Variants in AMD1 observed in about 807,000 individuals in gnomAD.
AMD1 encodes the protein adenosylmethionine decarboxylase 1, also known as S-adenosylmethionine decarboxylase proenzyme.
AMD1 carries 11 observed loss-of-function variants against 40.2 expected under a neutral mutation model. The observed-to-expected ratio is 0.27, with a 90% confidence interval of 0.17 to 0.45. AMD1 has a LOEUF of 0.45. Ranked by LOEUF, AMD1 falls within the 20% of genes least tolerant of loss-of-function variation. The probability of loss-of-function intolerance (pLI) is 1.00; values close to 1 mark genes in which losing one functional copy is unlikely to be tolerated. For missense variants in AMD1, 257 were observed against 410.2 expected (o/e 0.63, Z 3.23); for synonymous variants, 121 against 130.8 (o/e 0.93, Z 0.51).
chr6:110,833,752 G>A, the AMD1 span, among the ~76,000 whole-genome samples: 21 of 152,152 alleles, frequency 1.4e-4, no homozygotes, highest in Admixed American at 3.3e-4. Context: ...AGAGGCTCAC[G>A]CCTATAATCC....
intron 1 of AMD1, among the ~76,000 whole-genome samples, chr6:110,876,010 C>T (rs1785088912): frequency 6.6e-6 from 1 of 151,952 alleles, no homozygotes; most frequent in Non-Finnish European, 1.5e-5. Context: ...GCCGGCGGAG[C>T]GGGGCGGGAG....
chr6:110,837,172 CAAAAAAA>C, the AMD1 span, among the ~76,000 whole-genome samples: 1 of 23,876 alleles, frequency 4.2e-5, no homozygotes, highest in African/African-American at 1.4e-4. Context: ...CAGAGCGTCT[CAAAAAAA>C]AAAAAAAAAA....
chr6:110,858,939 G>A, the AMD1 span: 4 of 1,004,378 alleles, frequency 4.0e-6, no homozygotes, highest in African/African-American at 6.2e-5. Flanking sequence ...GCTGGGAACC[G>A]ACAAGTGTGA....
chr6:110,814,983 C>G, the AMD1 span: 1 of 1,599,802 alleles, frequency 6.3e-7, no homozygotes, highest in Non-Finnish European at 8.5e-7. Context: ...CCCGAGCGAG[C>G]CTACTCCTCC....
At chr6:110,881,145 TATC>T (rs1435394860) in intron 1 of AMD1, among the ~76,000 whole-genome samples, 1 of 152,252 alleles carries the variant, frequency 6.6e-6, no homozygotes, top group Non-Finnish European at 1.5e-5. Context: ...TGGGATCATT[TATC>T]ATGATCTCTG....
the AMD1 span, among the ~76,000 whole-genome samples, chr6:110,865,370 A>G: frequency 6.6e-6 from 1 of 152,206 alleles, no homozygotes; most frequent in Non-Finnish European, 1.5e-5. Flanking sequence ...CAAAAGGGAC[A>G]TGGAATGTTA....
At chr6:110,814,776 G>T in the AMD1 span, 1 of 666,564 alleles carries the variant, frequency 1.5e-6, no homozygotes, top group South Asian at 1.5e-5. Flanking sequence ...TCTGGGACGG[G>T]ACCGACGCCT....
chr6:110,886,762 G>C (rs553192388), intron 1 of AMD1, among the ~76,000 whole-genome samples: 1 of 152,336 alleles, frequency 6.6e-6, no homozygotes, highest in Non-Finnish European at 1.5e-5. Context: ...GACAGAGTGA[G>C]ACCCTGTCTC....
chr6:110,876,995 A>C (rs1050768831), intron 1 of AMD1, among the ~76,000 whole-genome samples: 10 of 152,224 alleles, frequency 6.6e-5, no homozygotes, highest in Admixed American at 6.5e-5. Flanking sequence ...TTCCTGAGTC[A>C]AAGTGGAGAG....
intron 1 of AMD1, among the ~76,000 whole-genome samples, chr6:110,881,266 C>T (rs1325073051): frequency 6.6e-6 from 1 of 152,070 alleles, no homozygotes; most frequent in African/African-American, 2.4e-5. Context: ...AATGACTATC[C>T]TGTTAATTAT....
At chr6:110,875,993 C>T (rs1785087620) in intron 1 of AMD1, among the ~76,000 whole-genome samples, 1 of 152,114 alleles carries the variant, frequency 6.6e-6, no homozygotes, top group Non-Finnish European at 1.5e-5. Context: ...GTGTAACCTG[C>T]TACGGAGCCG....
chr6:110,876,814 G>C (rs1259106918), intron 1 of AMD1, among the ~76,000 whole-genome samples: 1 of 152,134 alleles, frequency 6.6e-6, no homozygotes, highest in Non-Finnish European at 1.5e-5. Context: ...GAAAATCTTG[G>C]CAAGAACCTA....
At chr6:110,886,916 A>G (rs1785723784) in intron 1 of AMD1, among the ~76,000 whole-genome samples, 1 of 152,174 alleles carries the variant, frequency 6.6e-6, no homozygotes. Flanking sequence ...TATGACCTTC[A>G]TTGCTATGGT....
At chr6:110,838,631 G>T in the AMD1 span, among the ~76,000 whole-genome samples, 56 of 152,004 alleles carry the variant, frequency 3.7e-4, no homozygotes, top group Non-Finnish European at 7.5e-4. Context: ...GGCCGAGGTG[G>T]GTGGGTCACC....
chr6:110,878,709 A>G (rs9400423), intron 1 of AMD1, among the ~76,000 whole-genome samples: 5,374 of 152,272 alleles, frequency 0.035, 353 homozygotes, highest in East Asian at 0.33. Flanking sequence ...TGGCAGCTTT[A>G]GGGAGGGTGA....
the AMD1 span, among the ~76,000 whole-genome samples, chr6:110,816,276 C>A: frequency 1.8e-4 from 27 of 152,166 alleles, no homozygotes; most frequent in Admixed American, 1.7e-3. Context: ...CGTTTACGAT[C>A]CTTTGGGTTG....
chr6:110,824,720 T>G, the AMD1 span, among the ~76,000 whole-genome samples: 6 of 152,142 alleles, frequency 3.9e-5, no homozygotes, highest in South Asian at 8.3e-4. Context: ...CATAAAGTTT[T>G]TGGTAACAAA....
chr6:110,883,678 G>T (rs112937489), intron 1 of AMD1, among the ~76,000 whole-genome samples: 5,520 of 152,202 alleles, frequency 0.036, 128 homozygotes, highest in Middle Eastern at 0.071. Flanking sequence ...TGCAAGCTCC[G>T]CCTTCCGGGT....
the AMD1 span, among the ~76,000 whole-genome samples, chr6:110,822,616 C>G: frequency 6.6e-6 from 1 of 151,760 alleles, no homozygotes; most frequent in Non-Finnish European, 1.5e-5. Flanking sequence ...GAAATCTTAT[C>G]CTATTTAAAA....
Sources: allele counts gnomAD v4.1 joint callset (sites outside exome capture counted in the v4.1 genomes callset), GRCh38; gene constraint gnomAD v4.1.1; transcripts MANE v1.5; gene names NCBI Gene and HGNC (gene_info 2026-07-23, HGNC 2026-07-21).